MORN1: variants seen among roughly 807,000 people sequenced by gnomAD.
The protein encoded by MORN1 is MORN repeat-containing protein 1.
A neutral mutation model predicts 61.9 loss-of-function variants in MORN1; 67 were observed. The observed-to-expected ratio is 1.08, with a 90% CI of 0.89 to 1.33. The LOEUF is 1.33. Ranked by LOEUF, MORN1 falls within the 40% of genes most tolerant of loss-of-function variation. The pLI, the probability that MORN1 is intolerant of heterozygous loss-of-function variation, is 0.00. For synonymous variants in MORN1, 301 were observed against 292.0 expected (o/e 1.03, Z -0.31); for missense variants, 752 against 691.2 (o/e 1.09, Z -0.99).
intron 12 of MORN1, among the ~76,000 whole-genome samples, chr1:2,324,520 C>T (rs1057240638): frequency 6.6e-6 from 1 of 152,206 alleles, no homozygotes; most frequent in Non-Finnish European, 1.5e-5. Flanking sequence ...CCCTGAGAGA[C>T]GGCGAGGCTG....
chr1:2,342,136 CG>C (rs1367878085), intron 10 of MORN1, among the ~76,000 whole-genome samples: 3 of 152,272 alleles, frequency 2.0e-5, no homozygotes, highest in Non-Finnish European at 4.4e-5. Context: ...CGTACGACCT[CG>C]GGGGCCTCGG....
rs949481808 is a variant in MORN1 at position 2,391,490 on chromosome 1, C to T, written c.44G>A (p.Arg15His). Reference protein sequence around the residue: ...GEGTPSSRGPRRDPPRRPPRN... With the variant: ...GEGTPSSRGPHRDPPRRPPRN... ...GGGCGGCCGCCTAGGCGGGTCCCGACGCGGCCCGCGGGAGCTCGGGGTGCC... is the reference window on the plus strand; with the variant it reads ...GGGCGGCCGCCTAGGCGGGTCCCGATGCGGCCCGCGGGAGCTCGGGGTGCC... Residue 15 changes from arginine (R) to histidine (H), a missense_variant, in exon 1 of 14, where the codon CGT (arginine) becomes CAT (histidine). By Grantham distance (29) the Arg-to-His change is conservative (BLOSUM62 0). Transcript: ENST00000378531. 3.2e-6 allele frequency: 4 copies of T among 1,252,094 alleles called. No homozygotes were observed. In the African/African-American group the frequency reaches 4.7e-5, roughly 15 times the overall value. 77.6% of individuals were successfully genotyped at this position (1,252,094 alleles called of 1,614,324 possible).
At chr1:2,373,074 G>A (rs1024091624) in intron 7 of MORN1, among the ~76,000 whole-genome samples, 3 of 152,214 alleles carry the variant, frequency 2.0e-5, no homozygotes, top group Non-Finnish European at 4.4e-5. Flanking sequence ...CTGCTCCACC[G>A]GGGCCTGCAG....
Position 2,362,395 on chromosome 1 carries a change from G to A in MORN1, c.746-3680C>T, listed in dbSNP as rs750921969. Among the ~76,000 whole-genome samples, 122 of 152,274 alleles carry A rather than the reference G, an allele frequency of 8.0e-4. 1 individual carries two copies. The highest frequency in any genetic ancestry group is 6.8e-3 in the Middle Eastern group (2 of 294). On this transcript the variant is annotated intron_variant, in intron 8 of 13. Transcript: ENST00000378531. The stretch of plus-strand genomic sequence containing the variant: ...AAGGCAGAGGAAAACCTGTGTATGA[G>A]TGGATCCCACAGTTCAAACCTGTTT...
intron 12 of MORN1, chr1:2,331,986 G>A (rs1209155298): frequency 1.9e-5 from 3 of 160,692 alleles, no homozygotes; most frequent in African/African-American, 7.7e-5. Context: ...TCCCGCCCCT[G>A]CGCCTCTCCC....
chr1:2,355,062 A>T, intron 10 of MORN1: 3 of 677,028 alleles, frequency 4.4e-6, no homozygotes, highest in Non-Finnish European at 5.5e-6. Context: ...CCCCAGACTC[A>T]GGCAGTGGGG....
chr1:2,382,804 A>C (rs1390731079), intron 6 of MORN1, among the ~76,000 whole-genome samples: 3 of 152,176 alleles, frequency 2.0e-5, no homozygotes, highest in Admixed American at 6.5e-5. Context: ...CGACGCTGAC[A>C]TGGGCTCCCG....
chr1:2,374,569 A>G lies in MORN1; in HGVS notation c.538-12T>C, dbSNP rs765209599. 4 of 1,576,758 alleles carry G rather than the reference A, an allele frequency of 2.5e-6. No individual in the cohort carries two copies. The highest frequency in any genetic ancestry group is 2.6e-6 in the Non-Finnish European group (3 of 1,161,086). ...CTGTGCCACTGTCCCTGCAGAGAGA[A>G]GGGTGAGGCTCAGGCTGGTGGCTCC... On this transcript the variant is annotated splice_polypyrimidine_tract_variant and intron_variant, in intron 6 of 13. Coordinates refer to ENST00000378531, the MANE Select transcript of MORN1 (RefSeq NM_024848.3).
intron 12 of MORN1, among the ~76,000 whole-genome samples, chr1:2,330,649 C>T (rs1334028269): frequency 2.0e-5 from 3 of 152,224 alleles, no homozygotes; most frequent in Non-Finnish European, 4.4e-5. Flanking sequence ...TAATTAAGCC[C>T]ATTTTTCTCG....
chr1:2,347,261 G>A (rs191869304), intron 10 of MORN1, among the ~76,000 whole-genome samples: 3 of 152,314 alleles, frequency 2.0e-5, no homozygotes, highest in South Asian at 2.1e-4. Context: ...CAGAGGCTGC[G>A]ACTGTGTGCC....
intron 6 of MORN1, among the ~76,000 whole-genome samples, chr1:2,382,383 T>A (rs1052922529): frequency 2.6e-5 from 4 of 152,056 alleles, no homozygotes; most frequent in African/African-American, 9.7e-5. Context: ...CTCGGACTGG[T>A]GGGGATCATG....
intron 2 of MORN1, 152 bp from the exon 3 acceptor site, chr1:2,388,489 TA>T (rs1191534242): frequency 1.5e-5 from 9 of 581,974 alleles, no homozygotes; most frequent in Non-Finnish European, 2.1e-5. Context: ...TATTTAAAAA[TA>T]AAAAAATGTT....
At chr1:2,359,547 C>T (rs764369646) in intron 8 of MORN1, among the ~76,000 whole-genome samples, 5 of 152,032 alleles carry the variant, frequency 3.3e-5, no homozygotes, top group African/African-American at 9.7e-5. Flanking sequence ...GCTTGGGCAC[C>T]GTGGGTGGAG....
chr1:2,387,952 C>A, intron 3 of MORN1: 1 of 453,266 alleles, frequency 2.2e-6, no homozygotes, highest in Admixed American at 3.8e-5. Flanking sequence ...GCTGGTTTCC[C>A]ATCTAGGGAT....
In MORN1 at chr1:2,374,480, C is replaced by T. The variant is rs1434032526; in HGVS notation, c.615G>A (p.Trp205Ter). 3.1e-6 allele frequency: 5 copies of T among 1,599,694 alleles called. No homozygotes were observed. The highest frequency in any genetic ancestry group is 2.3e-5 in the South Asian group (2 of 87,924). ...ACCTACCTGCTGGGTGGCCATTGAT[C>T]CACAACCCATAATAGGTGACCCCTG... ...HCSGVTYYGLWINGHPAEQAT... is the reference protein window; with the variant it reads ...HCSGVTYYGL The change falls in exon 7 of 14, where the codon TGG (tryptophan) becomes TGA (stop). Residue 205 changes from tryptophan (W) to a stop codon, truncating the protein, a stop_gained. Transcript: ENST00000378531. LOFTEE classifies it high-confidence loss of function.
intron 10 of MORN1, among the ~76,000 whole-genome samples, chr1:2,353,677 G>A (rs939399575): frequency 6.6e-5 from 10 of 152,226 alleles, no homozygotes; most frequent in African/African-American, 1.2e-4. Context: ...GCTCCTGGCC[G>A]GAGTCCCCGA....
At chr1:2,353,959 T>G (rs1288558122) in intron 10 of MORN1, among the ~76,000 whole-genome samples, 1 of 152,138 alleles carries the variant, frequency 6.6e-6, no homozygotes, top group Non-Finnish European at 1.5e-5. Flanking sequence ...CAGTCCTAAA[T>G]GGGATTACGG....
At chr1:2,322,561 A>G in intron 13 of MORN1, 1 of 985,212 alleles carries the variant, frequency 1.0e-6, no homozygotes, top group South Asian at 4.7e-5. Flanking sequence ...CTTTAGAAAA[A>G]AAAAAACACG....
At chr1:2,339,537 A>G (rs1444554388) in intron 10 of MORN1, among the ~76,000 whole-genome samples, 2 of 152,148 alleles carry the variant, frequency 1.3e-5, no homozygotes, top group Non-Finnish European at 2.9e-5. Flanking sequence ...CTGTGCACCC[A>G]CAATTTCTGC....
Sources: gnomAD v4.1 joint callset for allele counts (sites outside exome capture counted in the v4.1 genomes callset) on GRCh38, gnomAD v4.1.1 for gene constraint, MANE v1.5 for transcripts, NCBI Gene and HGNC (gene_info 2026-07-23, HGNC 2026-07-21) for gene names.